Variants in MAP2K6 observed in about 807,000 individuals in gnomAD.
The protein encoded by MAP2K6 is mitogen-activated protein kinase kinase 6.
MAP2K6 carries 16 observed loss-of-function variants against 53.7 expected under a neutral mutation model. The observed-to-expected ratio is 0.30, with a 90% CI of 0.20 to 0.45. The LOEUF (loss-of-function observed/expected upper bound fraction) is 0.45. Among genes scored for constraint, MAP2K6 ranks in the 20% least tolerant of loss-of-function variants. MAP2K6 has a pLI of 1.00. For synonymous variants in MAP2K6, 132 were observed against 143.1 expected (o/e 0.92, Z 0.55); for missense variants, 204 against 411.9 (o/e 0.50, Z 4.37).
chr17:69,440,376 C>T (rs994576850), intron 1 of MAP2K6, among the ~76,000 whole-genome samples: 9 of 152,134 alleles, frequency 5.9e-5, no homozygotes, highest in Non-Finnish European at 1.0e-4. Flanking sequence ...ACTTTCCAAT[C>T]AGTATGCCTT....
Position 69,541,811 on chromosome 17 carries a change from C to T in MAP2K6, c.*58C>T. ...TGGATTGGTGGGTTTCGGGGTGAAGCAAGTTCACTACAGCATCAATAGAAA... is the reference window on the plus strand; with the variant it reads ...TGGATTGGTGGGTTTCGGGGTGAAGTAAGTTCACTACAGCATCAATAGAAA... On this transcript the variant is annotated 3_prime_UTR_variant, in exon 12 of 12. Transcript: ENST00000590474. The T allele has an allele frequency of 7.9e-7, 1 of 1,260,298 alleles. No individual in the cohort carries two copies. The highest frequency in any genetic ancestry group is 1.2e-6 in the Non-Finnish European group (1 of 865,022). 78.1% of individuals were successfully genotyped at this position (1,260,298 alleles called of 1,614,324 possible).
Position 69,553,678 on chromosome 17 carries a change from G to A in MAP2K6, c.*11925G>A, listed in dbSNP as rs530417783. The A allele has an allele frequency of 5.3e-5, 8 of 152,296 alleles. No individual in the cohort carries two copies. Among genetic ancestry groups the A allele is most frequent in the Admixed American group, 1.3e-4 (2 of 15,308 alleles). The allele number at this position is 152,296 out of a possible 1,614,324, so 9.4% of individuals were successfully genotyped here. On this transcript the variant is annotated 3_prime_UTR_variant, in exon 12 of 12. Transcript: ENST00000590474. ...AAACTGACTCAAACAACAGTTTAAC[G>A]ATAGAGAAGACAGTGATAATGGCAA...
At chr17:69,499,093 G>A (rs1909055050) in intron 1 of MAP2K6, among the ~76,000 whole-genome samples, 1 of 152,194 alleles carries the variant, frequency 6.6e-6, no homozygotes. Flanking sequence ...ACTACACTCA[G>A]TCCCAGAAAT....
intron 2 of MAP2K6, among the ~76,000 whole-genome samples, chr17:69,509,619 A>C (rs990935331): frequency 1.3e-5 from 2 of 151,722 alleles, no homozygotes; most frequent in Non-Finnish European, 2.9e-5. Flanking sequence ...TTTTACTTTC[A>C]TTTTCTTGCC....
At chr17:69,431,682 C>T (rs1222073856) in intron 1 of MAP2K6, among the ~76,000 whole-genome samples, 2 of 152,178 alleles carry the variant, frequency 1.3e-5, no homozygotes, top group Non-Finnish European at 2.9e-5. Context: ...TGGTCTATCC[C>T]CTCCCTTTGC....
intron 1 of MAP2K6, among the ~76,000 whole-genome samples, chr17:69,425,128 C>T (rs1906226790): frequency 6.6e-6 from 1 of 152,070 alleles, no homozygotes; most frequent in Non-Finnish European, 1.5e-5. Context: ...GGCTTAGTGA[C>T]TTTTTTTCTT....
At chr17:69,533,848 A>T (rs1043393057) in intron 10 of MAP2K6, among the ~76,000 whole-genome samples, 3 of 151,980 alleles carry the variant, frequency 2.0e-5, no homozygotes, top group Non-Finnish European at 4.4e-5. Flanking sequence ...CTTAGAAAGA[A>T]ACACTTTTGC....
intron 1 of MAP2K6, chr17:69,502,228 C>G (rs2145216102): frequency 1.0e-6 from 1 of 985,454 alleles, no homozygotes; most frequent in East Asian, 1.1e-4. Flanking sequence ...AGGTTTGCTG[C>G]AATCCGAACT....
intron 1 of MAP2K6, among the ~76,000 whole-genome samples, chr17:69,467,931 A>T (rs542976046): frequency 6.6e-6 from 1 of 151,964 alleles, no homozygotes; most frequent in East Asian, 1.9e-4. Flanking sequence ...ACGCCCAGCT[A>T]ATTTTTGTAT....
intron 1 of MAP2K6, among the ~76,000 whole-genome samples, chr17:69,497,550 T>A (rs1234487506): frequency 6.6e-6 from 1 of 151,916 alleles, no homozygotes; most frequent in Admixed American, 6.6e-5. Flanking sequence ...AGCATGGATG[T>A]GGCATGATGT....
At chr17:69,521,405 G>A (rs894642739) in intron 7 of MAP2K6, 10 of 301,832 alleles carry the variant, frequency 3.3e-5, no homozygotes, top group Middle Eastern at 9.2e-4. Context: ...AATTGATCTT[G>A]TATTGGCCAT....
intron 1 of MAP2K6, among the ~76,000 whole-genome samples, chr17:69,421,323 G>C (rs1906072961): frequency 6.6e-6 from 1 of 152,146 alleles, no homozygotes. Flanking sequence ...CTGGCGAAGT[G>C]TCATTTCTCC....
At chr17:69,534,754 A>T (rs1400797739) in intron 10 of MAP2K6, among the ~76,000 whole-genome samples, 3 of 151,912 alleles carry the variant, frequency 2.0e-5, no homozygotes, top group African/African-American at 7.3e-5. Context: ...GCAACCTAAC[A>T]ATCAGTTACA....
At chr17:69,419,278 T>C (rs1906000074) in intron 1 of MAP2K6, among the ~76,000 whole-genome samples, 1 of 152,214 alleles carries the variant, frequency 6.6e-6, no homozygotes. Context: ...ATTATTTCTT[T>C]AGGATGATTC....
At chr17:69,464,882 A>AT (rs1907744710) in intron 1 of MAP2K6, among the ~76,000 whole-genome samples, 1 of 151,522 alleles carries the variant, frequency 6.6e-6, no homozygotes, top group Non-Finnish European at 1.5e-5. Flanking sequence ...CGCCCGGCTA[A>AT]TTTTTGTATT....
chr17:69,441,918 C>G (rs1457217199), intron 1 of MAP2K6, among the ~76,000 whole-genome samples: 2 of 152,096 alleles, frequency 1.3e-5, no homozygotes, highest in Non-Finnish European at 2.9e-5. Flanking sequence ...CCTCCACTGA[C>G]AGTTCTCTGG....
At chr17:69,521,860 G>C (rs1283234780) in intron 7 of MAP2K6, 1 of 139,960 alleles carries the variant, frequency 7.1e-6, no homozygotes, top group Non-Finnish European at 1.5e-5. Flanking sequence ...AAAGTACCAA[G>C]CTGGGTGCCG....
chr17:69,459,086 C>T (rs578234241), intron 1 of MAP2K6, among the ~76,000 whole-genome samples: 1 of 152,236 alleles, frequency 6.6e-6, no homozygotes, highest in East Asian at 1.9e-4. Context: ...TACTTGCCAG[C>T]CCCCAGGGTA....
At chr17:69,495,616 C>G (rs560904375) in intron 1 of MAP2K6, among the ~76,000 whole-genome samples, 4 of 152,190 alleles carry the variant, frequency 2.6e-5, no homozygotes, top group African/African-American at 9.6e-5. Flanking sequence ...TGACAATGAC[C>G]AGCTCATGGC....
Sources: gnomAD v4.1 joint callset for allele counts (sites outside exome capture counted in the v4.1 genomes callset) on GRCh38, gnomAD v4.1.1 for gene constraint, MANE v1.5 for transcripts, NCBI Gene and HGNC (gene_info 2026-07-23, HGNC 2026-07-21) for gene names.